Variants in PIP4P2 observed in about 807,000 individuals in gnomAD.
PIP4P2 encodes the protein phosphatidylinositol-4,5-bisphosphate 4-phosphatase 2.
PIP4P2 carries 19 observed loss-of-function variants against 33.3 expected under a neutral mutation model. The ratio of observed to expected loss-of-function variants is 0.57; its 90% CI spans 0.40 to 0.84. The LOEUF (loss-of-function observed/expected upper bound fraction) is 0.84. Among genes scored for constraint, PIP4P2 ranks in the 40% least tolerant of loss-of-function variants. The probability of loss-of-function intolerance (pLI) is 0.00; values close to 1 mark genes in which losing one functional copy is unlikely to be tolerated. For synonymous variants in PIP4P2, 110 were observed against 111.9 expected, an observed-to-expected ratio of 0.98 and a Z score of 0.11; for missense variants, 270 against 324.7, an observed-to-expected ratio of 0.83 and a Z score of 1.29.
chr8:91,011,747 G>A lies in PIP4P2; in HGVS notation c.487-2952C>T, dbSNP rs576980713. Among the ~76,000 whole-genome samples, 18 of 152,036 alleles carry A rather than the reference G, an allele frequency of 1.2e-4. No homozygotes were observed. In the South Asian group the frequency reaches 3.7e-3, roughly 32 times the overall value. On this transcript the variant is annotated intron_variant, in intron 4 of 6. Transcript: ENST00000285419. Reference sequence around the variant, plus strand: ...CTACATTTATCCATGGTCCCAGCTAGGCTGTGGTATGAATAGTGTAAATAT... The same window carrying A: ...CTACATTTATCCATGGTCCCAGCTAAGCTGTGGTATGAATAGTGTAAATAT...
At chr8:91,039,135 C>T (rs1006829734) in intron 1 of PIP4P2, among the ~76,000 whole-genome samples, 12 of 152,212 alleles carry the variant, frequency 7.9e-5, no homozygotes, top group African/African-American at 2.9e-4. Flanking sequence ...AACCGCCAAA[C>T]ATTTTGCCAT....
intron 1 of PIP4P2, among the ~76,000 whole-genome samples, chr8:91,031,098 A>T (rs1201223384): frequency 6.6e-6 from 1 of 152,250 alleles, no homozygotes; most frequent in Non-Finnish European, 1.5e-5. Flanking sequence ...CATGTCTGAT[A>T]GTTTTAATAA....
chr8:91,032,678 G>A (rs554267251), intron 1 of PIP4P2, among the ~76,000 whole-genome samples: 1 of 151,830 alleles, frequency 6.6e-6, no homozygotes, highest in African/African-American at 2.4e-5. Context: ...CTACTTGGGA[G>A]GCTGAGGAAG....
chr8:91,009,893 G>C (rs1373172348), intron 4 of PIP4P2, among the ~76,000 whole-genome samples: 1 of 151,588 alleles, frequency 6.6e-6, no homozygotes, highest in African/African-American at 2.4e-5. Flanking sequence ...GTCACAACAG[G>C]AACATATAGT....
chr8:91,018,660 G>C (rs1032680837), intron 3 of PIP4P2, 147 bp from the exon 4 acceptor site: 2 of 1,228,590 alleles, frequency 1.6e-6, no homozygotes, highest in Admixed American at 2.4e-5. Context: ...AAACTACAAA[G>C]AGTAGCAACA....
chr8:91,028,343 A>T (rs998729662), intron 1 of PIP4P2, among the ~76,000 whole-genome samples: 1 of 152,204 alleles, frequency 6.6e-6, no homozygotes, highest in African/African-American at 2.4e-5. Context: ...TCTTCCTTCA[A>T]ACTTTCTGCA....
chr8:91,022,569 G>A (rs1474327874), intron 1 of PIP4P2, among the ~76,000 whole-genome samples: 3 of 152,090 alleles, frequency 2.0e-5, no homozygotes, highest in Non-Finnish European at 4.4e-5. Context: ...AAGAGAACTG[G>A]TATCTCAAGA....
chr8:91,021,912 G>A (rs1007492807), intron 1 of PIP4P2, among the ~76,000 whole-genome samples: 20 of 152,172 alleles, frequency 1.3e-4, no homozygotes, highest in African/African-American at 4.3e-4. Context: ...AAAACAAGGT[G>A]TTGGAGGAAG....
intron 1 of PIP4P2, among the ~76,000 whole-genome samples, chr8:91,027,301 G>A (rs148494842): frequency 1.3e-5 from 2 of 152,294 alleles, no homozygotes; most frequent in Non-Finnish European, 2.9e-5. Context: ...TTAAACTCCT[G>A]AGTCACTCTG....
chr8:91,023,993 T>C (rs927288073), intron 1 of PIP4P2, among the ~76,000 whole-genome samples: 3 of 152,024 alleles, frequency 2.0e-5, no homozygotes, highest in African/African-American at 4.8e-5. Flanking sequence ...GAGCTAAGGT[T>C]CTAGCAGGGG....
At chr8:90,996,610 A>G (rs1338998774) in intron 6 of PIP4P2, 44 bp downstream of exon 6, 1 of 1,530,848 alleles carries the variant, frequency 6.5e-7, no homozygotes, top group Non-Finnish European at 8.9e-7. Flanking sequence ...GACTACTGAT[A>G]AAGTTGAGAG....
In PIP4P2 at chr8:91,031,401, T is replaced by G. The variant is rs182540257; in HGVS notation, c.106+9243A>C. ...TTGTTTCTCCTCTGGATTGTCAGTC[T>G]TAGCACTTAATCTCTCAAACAATAA... On this transcript the variant is annotated intron_variant, in intron 1 of 6. Transcript: ENST00000285419. 1.6e-4 allele frequency among the ~76,000 whole-genome samples: 24 copies of G among 152,334 alleles called. No individual in the cohort carries two copies. In the East Asian group the frequency reaches 2.9e-3, roughly 18 times the overall value.
intron 4 of PIP4P2, among the ~76,000 whole-genome samples, chr8:91,010,623 C>G (rs904565939): frequency 2.0e-5 from 3 of 151,734 alleles, no homozygotes; most frequent in African/African-American, 7.3e-5. Context: ...AAACTAATAA[C>G]AAAAAGCATC....
At position 91,040,858 on chromosome 8, in the gene PIP4P2, C is replaced by T; in HGVS notation, c.-109G>A. On this transcript the variant is annotated 5_prime_UTR_variant, in exon 1 of 7. Coordinates refer to ENST00000285419, the MANE Select transcript of PIP4P2 (RefSeq NM_018710.3). The stretch of plus-strand genomic sequence containing the variant: ...GCCGCTGCTGCCGCTGCAGCTGCTG[C>T]TGCTGCCGCCTCCGGGAGGGCCCGG... 1.1e-6 allele frequency: 1 copy of T among 918,234 alleles called. No individual in the cohort carries two copies. Among genetic ancestry groups the T allele is most frequent in the Non-Finnish European group, 1.6e-6 (1 of 623,832 alleles). 56.9% of individuals were successfully genotyped at this position (918,234 alleles called of 1,614,324 possible).
chr8:91,002,412 G>C (rs1035274662), intron 5 of PIP4P2, among the ~76,000 whole-genome samples: 1 of 152,016 alleles, frequency 6.6e-6, no homozygotes, highest in African/African-American at 2.4e-5. Flanking sequence ...TTAATCTTTC[G>C]CTTCACAAAA....
At chr8:91,022,284 AGT>A (rs1812021379) in intron 1 of PIP4P2, among the ~76,000 whole-genome samples, 1 of 152,134 alleles carries the variant, frequency 6.6e-6, no homozygotes, top group Non-Finnish European at 1.5e-5. Flanking sequence ...ACACACACAC[AGT>A]GTTTTTTTTG....
At chr8:91,021,454 C>T (rs754496067) in intron 1 of PIP4P2, 50 bp from the exon 2 acceptor site, 1 of 1,598,834 alleles carries the variant, frequency 6.3e-7, no homozygotes, top group South Asian at 1.1e-5. Flanking sequence ...ATTACTATGG[C>T]TGGTTTGAGT....
intron 5 of PIP4P2, among the ~76,000 whole-genome samples, chr8:90,999,227 C>A (rs879436698): frequency 5.3e-5 from 8 of 152,122 alleles, no homozygotes; most frequent in African/African-American, 1.2e-4. Context: ...CATCTCCCAC[C>A]AGTCAGAATT....
chr8:91,039,555 C>T (rs1038281866), intron 1 of PIP4P2, among the ~76,000 whole-genome samples: 1 of 152,184 alleles, frequency 6.6e-6, no homozygotes, highest in African/African-American at 2.4e-5. Flanking sequence ...ACTTGTATTA[C>T]AAGAAACATT....
Sources: gnomAD v4.1 joint callset for allele counts (sites outside exome capture counted in the v4.1 genomes callset) on GRCh38, gnomAD v4.1.1 for gene constraint, MANE v1.5 for transcripts, NCBI Gene and HGNC (gene_info 2026-07-23, HGNC 2026-07-21) for gene names.